Variants in RPS6KA6 observed in about 807,000 individuals in gnomAD.
RPS6KA6 encodes the protein ribosomal protein S6 kinase A6.
A neutral mutation model predicts 65.4 loss-of-function variants in RPS6KA6; 27 were observed. The ratio of observed to expected loss-of-function variants is 0.41; its 90% CI spans 0.30 to 0.57. The LOEUF (loss-of-function observed/expected upper bound fraction) is 0.57, where lower values mean the gene tolerates loss of function less well. Ranked by LOEUF, RPS6KA6 falls within the 20% of genes least tolerant of loss-of-function variation. The pLI is 0.24. For missense variants in RPS6KA6, 486 were observed against 555.6 expected (o/e 0.87, Z 1.26); for synonymous variants, 190 against 184.2 (o/e 1.03, Z -0.26).
rs771140199 is a variant in RPS6KA6 at position 84,064,031 on chromosome X, T to C, written c.*246A>G. ...TTTTAGAAGCTTGTGTGCAGAGAAG[T>C]TGTGAGGACCTGGTGGACACCAATT... On this transcript the variant is annotated 3_prime_UTR_variant, in exon 22 of 22. Coordinates refer to ENST00000262752, the MANE Select transcript of RPS6KA6 (RefSeq NM_014496.5). The C allele has an allele frequency of 5.2e-5, 15 of 291,018 alleles. No individual in the cohort carries two copies. The highest frequency in any genetic ancestry group is 8.9e-5 in the Non-Finnish European group (15 of 168,682). 24.0% of individuals were successfully genotyped at this position (291,018 alleles called of 1,213,427 possible).
At chrX:84,101,384 A>G (rs1448395790) in intron 18 of RPS6KA6, among the ~76,000 whole-genome samples, 1 of 110,626 alleles carries the variant, frequency 9.0e-6, no homozygotes, top group Admixed American at 9.8e-5. Context: ...CAAATGTGAA[A>G]TCTGTACCAC....
At chrX:84,148,618 A>T (rs1423527195) in intron 3 of RPS6KA6, among the ~76,000 whole-genome samples, 1 of 111,345 alleles carries the variant, frequency 9.0e-6, no homozygotes, top group Admixed American at 9.6e-5. Flanking sequence ...TGAAAGACAA[A>T]CTTGAGCTAC....
At position 84,111,771 on chromosome X, in the gene RPS6KA6, T is replaced by G. The variant is rs143885815; in HGVS notation, c.1009-4046A>C. Among the ~76,000 whole-genome samples the G allele has an allele frequency of 9.9e-3, 1,100 of 110,651 alleles. 17 individuals are homozygous for G. Among genetic ancestry groups the G allele is most frequent in the African/African-American group, 0.035 (1,057 of 30,581 alleles). On this transcript the variant is annotated intron_variant, in intron 12 of 21. Coordinates refer to ENST00000262752, the MANE Select transcript of RPS6KA6 (RefSeq NM_014496.5). ...AAAGCTCAAAGATCCTATAAAACAA[T>G]CATACAATTGAGAATCCAAGGCAAC...
intron 2 of RPS6KA6, among the ~76,000 whole-genome samples, chrX:84,158,836 G>T (rs1344368208): frequency 9.0e-6 from 1 of 111,350 alleles, no homozygotes; most frequent in Non-Finnish European, 1.9e-5. Context: ...ACCTGTAGAA[G>T]AAATATTTAT....
At position 84,116,242 on chromosome X, in the gene RPS6KA6, T is replaced by G. The variant is rs1399027967; in HGVS notation, c.995A>C (p.Asn332Thr). The G allele has an allele frequency of 8.8e-7, 1 of 1,139,294 alleles. No homozygotes were observed. The highest frequency in any genetic ancestry group is 1.2e-6 in the Non-Finnish European group (1 of 837,359). 93.9% of individuals were successfully genotyped at this position (1,139,294 alleles called of 1,213,427 possible). ...TACTTAACTTACATCCCAGTCAATA[T>G]TTGCAAAAAACAGATGTCTTTTGAT... is the stretch of plus-strand genomic sequence containing the variant. The part of the protein sequence containing the change: ...EEIKRHLFFA[N>T]IDWDKLYKRE... Residue 332 changes from asparagine (N) to threonine (T), a missense_variant, in exon 12 of 22, where the codon AAT (asparagine) becomes ACT (threonine). Physicochemically the swap from Asn to Thr is moderately conservative, Grantham distance 65. Transcript: ENST00000262752.
chrX:84,180,549 T>C (rs1356787716), intron 1 of RPS6KA6, among the ~76,000 whole-genome samples: 4 of 112,128 alleles, frequency 3.6e-5, no homozygotes, highest in Admixed American at 2.9e-4. Context: ...TAAAACGTAA[T>C]ATCCAATAGA....
intron 20 of RPS6KA6, among the ~76,000 whole-genome samples, chrX:84,076,238 A>G (rs2033661273): frequency 9.1e-6 from 1 of 110,006 alleles, no homozygotes; most frequent in African/African-American, 3.2e-5. Context: ...CAAACATTTA[A>G]GAATAAGAAA....
intron 12 of RPS6KA6, among the ~76,000 whole-genome samples, chrX:84,113,710 A>G (rs1453114642): frequency 8.9e-6 from 1 of 111,891 alleles, no homozygotes; most frequent in African/African-American, 3.3e-5. Flanking sequence ...CCTTTCAAGA[A>G]CTGAAACAGG....
At chrX:84,150,832 G>A (rs1474898197) in intron 3 of RPS6KA6, among the ~76,000 whole-genome samples, 1 of 100,952 alleles carries the variant, frequency 9.9e-6, no homozygotes, top group Admixed American at 1.1e-4. Context: ...TATATATAGA[G>A]AGGATATATA....
At chrX:84,179,578 A>G (rs971953971) in intron 1 of RPS6KA6, among the ~76,000 whole-genome samples, 4 of 111,882 alleles carry the variant, frequency 3.6e-5, no homozygotes, top group Non-Finnish European at 5.7e-5. Flanking sequence ...TTGTTCATAG[A>G]TATGAAGTTG....
At chrX:84,162,434 A>G (rs945500124) in intron 2 of RPS6KA6, among the ~76,000 whole-genome samples, 1 of 111,716 alleles carries the variant, frequency 9.0e-6, no homozygotes, top group African/African-American at 3.3e-5. Flanking sequence ...AAACTAAATC[A>G]AATCCTTGGA....
At chrX:84,095,446 G>C (rs1210821634) in intron 20 of RPS6KA6, among the ~76,000 whole-genome samples, 3 of 111,416 alleles carry the variant, frequency 2.7e-5, no homozygotes, top group East Asian at 5.6e-4. Flanking sequence ...AAATAAATAA[G>C]GCCAGTTATG....
intron 17 of RPS6KA6, 23 bp downstream of exon 17, chrX:84,104,476 G>C: frequency 9.4e-7 from 1 of 1,058,585 alleles, no homozygotes; most frequent in South Asian, 2.9e-5. Flanking sequence ...AGAATAGAAA[G>C]AAAAAAGTTA....
intron 16 of RPS6KA6, among the ~76,000 whole-genome samples, chrX:84,105,450 T>G (rs2034339937): frequency 9.0e-6 from 1 of 111,164 alleles, no homozygotes; most frequent in African/African-American, 3.2e-5. Context: ...ATTCAAGAAT[T>G]TGGCAGATCC....
chrX:84,067,122 T>C (rs2033421946), intron 20 of RPS6KA6, among the ~76,000 whole-genome samples: 1 of 111,573 alleles, frequency 9.0e-6, no homozygotes, highest in Non-Finnish European at 1.9e-5. Context: ...CATATAAAAG[T>C]CATTAGCCTC....
intron 1 of RPS6KA6, among the ~76,000 whole-genome samples, chrX:84,172,332 A>G (rs905601203): frequency 4.5e-5 from 5 of 111,991 alleles, no homozygotes; most frequent in African/African-American, 1.6e-4. Context: ...ATAATTTCAT[A>G]TTCCTTTAAC....
intron 1 of RPS6KA6, among the ~76,000 whole-genome samples, chrX:84,164,630 T>C (rs1459968776): frequency 1.8e-5 from 2 of 111,712 alleles, no homozygotes; most frequent in Non-Finnish European, 3.8e-5. Flanking sequence ...GTTTAGAGTT[T>C]TGCAATAACA....
intron 8 of RPS6KA6, among the ~76,000 whole-genome samples, chrX:84,129,619 G>T (rs2034859121): frequency 9.0e-6 from 1 of 111,366 alleles, no homozygotes; most frequent in Non-Finnish European, 1.9e-5. Flanking sequence ...ACAGACAAAT[G>T]GATAAAGAAA....
chrX:84,175,718 A>T (rs6622945), intron 1 of RPS6KA6, among the ~76,000 whole-genome samples: 6,904 of 111,489 alleles, frequency 0.062, 229 homozygotes, highest in East Asian at 0.2. Context: ...AAATATTTTT[A>T]AAAATCTTTC....
Sources: allele counts gnomAD v4.1 joint callset (sites outside exome capture counted in the v4.1 genomes callset), GRCh38; gene constraint gnomAD v4.1.1; transcripts MANE v1.5; gene names NCBI Gene and HGNC (gene_info 2026-07-23, HGNC 2026-07-21).